Variants in PRKCQ observed in about 807,000 individuals in gnomAD.
The protein encoded by PRKCQ is protein kinase C theta.
A neutral mutation model predicts 91.2 loss-of-function variants in PRKCQ; 41 were observed. The ratio of observed to expected loss-of-function variants is 0.45; its 90% CI spans 0.35 to 0.58. The LOEUF (loss-of-function observed/expected upper bound fraction) is 0.58. Among genes scored for constraint, PRKCQ ranks in the 20% least tolerant of loss-of-function variants. The pLI is 0.00. For synonymous variants in PRKCQ, 307 were observed against 316.9 expected, an observed-to-expected ratio of 0.97 and a Z score of 0.33; for missense variants, 673 against 896.5, an observed-to-expected ratio of 0.75 and a Z score of 3.18.
At chr10:6,456,529 T>C (rs1309295282) in intron 15 of PRKCQ, 145 bp downstream of exon 15, 10 of 998,570 alleles carry the variant, frequency 1.0e-5, no homozygotes, top group Admixed American at 2.9e-5. Context: ...CCCACATGCA[T>C]GGTGGCGTTT....
rs545436460 is a variant in PRKCQ at position 6,576,201 on chromosome 10, G to A, written c.-10+4010C>T. Among the ~76,000 whole-genome samples the A allele has an allele frequency of 6.6e-6, 1 of 152,262 alleles. No individual in the cohort carries two copies. The highest frequency in any genetic ancestry group is 2.1e-4 in the South Asian group (1 of 4,820). On this transcript the variant is annotated intron_variant, in intron 1 of 17. Coordinates refer to ENST00000263125, the MANE Select transcript of PRKCQ (RefSeq NM_006257.5). The surrounding 1 kb of genome is among the most constrained non-coding windows in gnomAD (Gnocchi z 4.2). ...TACCCTACGACCCCACAATTCTACT[G>A]CTGGGTACATACCCCAAAGAATTGA...
intron 16 of PRKCQ, among the ~76,000 whole-genome samples, chr10:6,440,782 A>G (rs1833930111): frequency 6.6e-6 from 1 of 152,208 alleles, no homozygotes; most frequent in Non-Finnish European, 1.5e-5. Flanking sequence ...TGAGGTCAGG[A>G]GTTCAAGACC....
chr10:6,453,186 C>G (rs1370856003), intron 15 of PRKCQ, among the ~76,000 whole-genome samples: 1 of 151,362 alleles, frequency 6.6e-6, no homozygotes, highest in Non-Finnish European at 1.5e-5. Flanking sequence ...TGACAAAGGG[C>G]TAATATCCAG....
chr10:6,553,512 A>AAAT lies in PRKCQ; in HGVS notation c.-10+26698_-10+26699insATT, dbSNP rs1554782551. On this transcript the variant is annotated intron_variant, in intron 1 of 17. Coordinates refer to ENST00000263125, the MANE Select transcript of PRKCQ (RefSeq NM_006257.5). ...CTCAAAAAAAAAAAAAAAAAAAAAA[A>AAAT]AAAAACAAACAAACAAAAGAAGAAG... Among the ~76,000 whole-genome samples the AAAT allele has an allele frequency of 1.1e-4, 16 of 140,850 alleles. 1 individual carries two copies. Among genetic ancestry groups the AAAT allele is most frequent in the African/African-American group, 1.6e-4 (6 of 36,708 alleles). The allele number at this position is 140,850 out of a possible 152,430, so 92.4% of individuals were successfully genotyped here.
intron 7 of PRKCQ, among the ~76,000 whole-genome samples, chr10:6,494,590 C>T (rs6602745): frequency 0.092 from 14,004 of 152,206 alleles, 790 homozygotes; most frequent in Non-Finnish European, 0.13. Flanking sequence ...CAGAACACAA[C>T]CCACCTCTTC....
chr10:6,421,760 T>G, the PRKCQ span, among the ~76,000 whole-genome samples: 1 of 152,230 alleles, frequency 6.6e-6, no homozygotes, highest in African/African-American at 2.4e-5. The surrounding 1 kb of genome is among the most constrained non-coding windows in gnomAD (Gnocchi z 4.1). Context: ...CAAGACACAC[T>G]GCACAGCTGG....
At chr10:6,563,912 C>A (rs1335852904) in intron 1 of PRKCQ, among the ~76,000 whole-genome samples, 1 of 152,134 alleles carries the variant, frequency 6.6e-6, no homozygotes, top group Non-Finnish European at 1.5e-5. Flanking sequence ...TGCCAGGGCA[C>A]GCAGAGGAGG....
intron 16 of PRKCQ, among the ~76,000 whole-genome samples, chr10:6,438,497 TA>T (rs1833807236): frequency 6.6e-6 from 1 of 152,284 alleles, no homozygotes; most frequent in South Asian, 2.1e-4. Flanking sequence ...AAATGATGAT[TA>T]TTTTTTAACC....
At chr10:6,515,977 A>G (rs901050279) in intron 1 of PRKCQ, among the ~76,000 whole-genome samples, 1 of 152,130 alleles carries the variant, frequency 6.6e-6, no homozygotes, top group African/African-American at 2.4e-5. Flanking sequence ...TACTTTTCCG[A>G]GGTCCCATTA....
downstream of PRKCQ, among the ~76,000 whole-genome samples, chr10:6,426,505 G>C (rs922815530): frequency 9.2e-5 from 14 of 152,130 alleles, no homozygotes; most frequent in African/African-American, 3.1e-4. Flanking sequence ...CTAGAGGTTT[G>C]TAGTCATGGT....
At chr10:6,470,614 G>A (rs181985010) in intron 12 of PRKCQ, among the ~76,000 whole-genome samples, 2 of 152,168 alleles carry the variant, frequency 1.3e-5, no homozygotes, top group African/African-American at 4.8e-5. Flanking sequence ...AAGTTTTAAG[G>A]GGGAGAGACA....
chr10:6,540,235 A>G (rs1425444255), intron 1 of PRKCQ, among the ~76,000 whole-genome samples: 1 of 152,216 alleles, frequency 6.6e-6, no homozygotes, highest in African/African-American at 2.4e-5. Flanking sequence ...TAAAATATAT[A>G]CAATATAAAA....
chr10:6,431,503 AGCACAC>A (rs1833426748), intron 16 of PRKCQ, among the ~76,000 whole-genome samples: 1 of 152,170 alleles, frequency 6.6e-6, no homozygotes, highest in African/African-American at 2.4e-5. Flanking sequence ...CACAAATGTG[AGCACAC>A]GCACACGGAC....
At chr10:6,486,940 A>T (rs1177851949) in intron 8 of PRKCQ, among the ~76,000 whole-genome samples, 1 of 152,240 alleles carries the variant, frequency 6.6e-6, no homozygotes, top group African/African-American at 2.4e-5. Context: ...AGGAGAGGTC[A>T]CGGCAGAACA....
the PRKCQ span, among the ~76,000 whole-genome samples, chr10:6,395,707 G>A: frequency 6.6e-6 from 1 of 152,202 alleles, no homozygotes; most frequent in African/African-American, 2.4e-5. Context: ...CCCTCCCAAA[G>A]TTAGCTCAGC....
chr10:6,444,192 T>C (rs1446863744), intron 15 of PRKCQ, among the ~76,000 whole-genome samples: 1 of 152,152 alleles, frequency 6.6e-6, no homozygotes, highest in Non-Finnish European at 1.5e-5. Context: ...TGCCTCAGCC[T>C]CCCGAGTAGC....
intron 1 of PRKCQ, among the ~76,000 whole-genome samples, chr10:6,562,408 C>T (rs1235692986): frequency 6.6e-6 from 1 of 152,140 alleles, no homozygotes; most frequent in Non-Finnish European, 1.5e-5. Context: ...CTTCAGGGCC[C>T]AGCAGAGAAT....
At position 6,463,108 on chromosome 10, in the gene PRKCQ, A is replaced by G. The variant is rs547233076; in HGVS notation, c.1446-743T>C. Among the ~76,000 whole-genome samples, 14 of 152,348 alleles carry G rather than the reference A, an allele frequency of 9.2e-5. No homozygotes were observed. The East Asian group carries it at 2.5e-3, about 27-fold the overall frequency. ...TAGACCTGTATGCACCATTCTGAAT[A>G]GAACTAGCTGGTTTATTTTCGTACT... On this transcript the variant is annotated intron_variant, in intron 13 of 17. Transcript: ENST00000263125.
chr10:6,534,793 G>GATATAT (rs755054607), intron 1 of PRKCQ, among the ~76,000 whole-genome samples: 21 of 91,576 alleles, frequency 2.3e-4, no homozygotes, highest in African/African-American at 6.9e-4. Context: ...TATATATATA[G>GATATAT]ATATATATAT....
Sources: gnomAD v4.1 joint callset for allele counts (sites outside exome capture counted in the v4.1 genomes callset) on GRCh38, gnomAD v4.1.1 for gene constraint, Gnocchi (gnomAD v3.1) non-coding constraint, MANE v1.5 for transcripts, NCBI Gene and HGNC (gene_info 2026-07-23, HGNC 2026-07-21) for gene names.